PEX14: variants seen among roughly 807,000 people sequenced by gnomAD.
PEX14 encodes the protein peroxisomal biogenesis factor 14, also known as peroxisomal membrane protein PEX14.
PEX14 carries 15 observed loss-of-function variants against 49.5 expected under a neutral mutation model. The observed-to-expected ratio is 0.30, with a 90% confidence interval of 0.20 to 0.47. The LOEUF (loss-of-function observed/expected upper bound fraction) is 0.47. Ranked by LOEUF, PEX14 falls within the 20% of genes least tolerant of loss-of-function variation. The pLI, the probability that PEX14 is intolerant of heterozygous loss-of-function variation, is 1.00. For synonymous variants in PEX14, 210 were observed against 212.7 expected (o/e 0.99, Z 0.11); for missense variants, 398 against 494.8 (o/e 0.80, Z 1.86).
intron 1 of PEX14, among the ~76,000 whole-genome samples, chr1:10,486,466 G>A (rs990154821): frequency 4.0e-5 from 6 of 151,592 alleles, no homozygotes; most frequent in African/African-American, 1.5e-4. Flanking sequence ...GACTGCTTGA[G>A]GCCAGGAGTT....
At chr1:10,626,703 G>T (rs1641756936) in intron 7 of PEX14, among the ~76,000 whole-genome samples, 1 of 152,266 alleles carries the variant, frequency 6.6e-6, no homozygotes, top group Non-Finnish European at 1.5e-5. Context: ...CTCACACGGA[G>T]GCCTCGTGGC....
chr1:10,519,194 G>A (rs1008730652), intron 2 of PEX14, among the ~76,000 whole-genome samples: 5 of 152,030 alleles, frequency 3.3e-5, no homozygotes, highest in South Asian at 2.1e-4. Context: ...CAGCCCAGCC[G>A]TGACAAACTG....
intron 2 of PEX14, among the ~76,000 whole-genome samples, chr1:10,503,625 G>A (rs1641727313): frequency 6.6e-6 from 1 of 150,452 alleles, no homozygotes; most frequent in East Asian, 2.0e-4. Flanking sequence ...TATTCCATGC[G>A]GCAAACTCAG....
At chr1:10,557,543 G>A (rs1347378572) in intron 3 of PEX14, among the ~76,000 whole-genome samples, 3 of 152,202 alleles carry the variant, frequency 2.0e-5, no homozygotes, top group Non-Finnish European at 4.4e-5. Context: ...CTGAGATCGT[G>A]CCACTGCACT....
rs188899675 is a variant in PEX14 at position 10,495,492 on chromosome 1, C to T, written c.84+171C>T. 7.2e-5 allele frequency among the ~76,000 whole-genome samples: 11 copies of T among 152,220 alleles called. No homozygotes were observed. Among genetic ancestry groups the T allele is most frequent in the Middle Eastern group, 6.8e-3 (2 of 294 alleles). ...TGACTTCTCTTCTCGCGTGTGGGGA[C>T]GAGTGAGATCTCTCCTTAGTAAAGG... On this transcript the variant is annotated intron_variant, in intron 2 of 8. Coordinates refer to ENST00000356607, the MANE Select transcript of PEX14 (RefSeq NM_004565.3). The surrounding 1 kb of genome is among the most constrained non-coding windows in gnomAD (Gnocchi z 4.2).
intron 3 of PEX14, among the ~76,000 whole-genome samples, chr1:10,572,786 T>C (rs1403923821): frequency 6.6e-6 from 1 of 152,186 alleles, no homozygotes; most frequent in Non-Finnish European, 1.5e-5. Flanking sequence ...TCCGCTCTCC[T>C]CAGCCTCCCA....
chr1:10,549,538 C>G (rs1639277886), intron 3 of PEX14, among the ~76,000 whole-genome samples: 1 of 152,178 alleles, frequency 6.6e-6, no homozygotes, highest in Non-Finnish European at 1.5e-5. Flanking sequence ...TATTTACTTA[C>G]ATTTTTTTTT....
At chr1:10,525,809 A>G (rs547231739) in intron 2 of PEX14, among the ~76,000 whole-genome samples, 57 of 151,450 alleles carry the variant, frequency 3.8e-4, no homozygotes, top group Admixed American at 1.1e-3. Flanking sequence ...TATTTTTAGT[A>G]TAGATGGGGT....
At chr1:10,477,140 T>G (rs942152804) in intron 1 of PEX14, among the ~76,000 whole-genome samples, 9 of 151,724 alleles carry the variant, frequency 5.9e-5, no homozygotes, top group South Asian at 2.1e-4. Context: ...GCGCGATCTC[T>G]GCTCACTGCA....
chr1:10,530,247 AAAATTGAAAATAAAAG>A (rs1457250493), intron 2 of PEX14, among the ~76,000 whole-genome samples: 3 of 152,266 alleles, frequency 2.0e-5, no homozygotes, highest in Non-Finnish European at 2.9e-5. Context: ...GCAATTTTTA[AAAATTGAAAATAAAAG>A]AGGAAAATGA....
rs17035360 is a variant in PEX14, at chr1:10,581,685, T to A, written c.170-17553T>A. Among the ~76,000 whole-genome samples, 1,606 of 151,272 alleles carry A rather than the reference T, an allele frequency of 0.011. 88 individuals carry two copies. In the East Asian group the frequency reaches 0.13, roughly 12 times the overall value. Reference sequence around the variant, plus strand: ...ATAATTTAAAATAATTGGGATTTTTTAATTGAAATTGTGTTAAACTTATAA... The same window carrying A: ...ATAATTTAAAATAATTGGGATTTTTAAATTGAAATTGTGTTAAACTTATAA... On this transcript the variant is annotated intron_variant, in intron 3 of 8. Coordinates refer to ENST00000356607, the MANE Select transcript of PEX14 (RefSeq NM_004565.3).
At chr1:10,491,219 A>G (rs1046290426) in intron 1 of PEX14, among the ~76,000 whole-genome samples, 2 of 151,940 alleles carry the variant, frequency 1.3e-5, no homozygotes, top group African/African-American at 4.8e-5. Flanking sequence ...AAAAATGTTC[A>G]CAGGGTAGGC....
intron 2 of PEX14, among the ~76,000 whole-genome samples, chr1:10,508,270 G>C (rs970644984): frequency 3.3e-5 from 5 of 151,934 alleles, no homozygotes; most frequent in African/African-American, 1.2e-4. Context: ...ACAGTGGTGC[G>C]ATCTCGGCTG....
In PEX14 at chr1:10,624,383, G is replaced by C. The variant is rs1641685652; in HGVS notation, c.531G>C (p.Leu177=). ...QTTLASVQEL[L]IQQQQKIQEL... The stretch of plus-strand genomic sequence containing the variant: ...CCCTCGCCTCCGTCCAGGAGCTGCT[G>C]ATTCAGCAGCAGCAGAAGATCCAGG... Residue 177 remains leucine (L), a synonymous_variant, in exon 7 of 9, where the codon CTG becomes CTC. Coordinates refer to ENST00000356607, the MANE Select transcript of PEX14 (RefSeq NM_004565.3). The C allele has an allele frequency of 1.2e-6, 2 of 1,613,452 alleles. No individual in the cohort carries two copies. Among genetic ancestry groups the C allele is most frequent in the Admixed American group, 3.3e-5 (2 of 60,018 alleles).
intron 3 of PEX14, among the ~76,000 whole-genome samples, chr1:10,576,791 C>T (rs532461793): frequency 5.6e-4 from 83 of 147,040 alleles, no homozygotes; most frequent in African/African-American, 1.9e-3. Flanking sequence ...GAATTTTGCT[C>T]GTATCGCCCA....
chr1:10,540,254 C>T (rs1385809873), intron 3 of PEX14, among the ~76,000 whole-genome samples: 1 of 152,214 alleles, frequency 6.6e-6, no homozygotes, highest in East Asian at 1.9e-4. Context: ...AAGGGCTTCT[C>T]TGTAGAATAT....
chr1:10,598,390 C>G (rs1570327979), intron 3 of PEX14, among the ~76,000 whole-genome samples: 1 of 152,216 alleles, frequency 6.6e-6, no homozygotes, highest in African/African-American at 2.4e-5. Flanking sequence ...TTGGCTCAGA[C>G]CCGGTGGAAA....
chr1:10,550,463 A>G (rs1053423049), intron 3 of PEX14, among the ~76,000 whole-genome samples: 2 of 152,232 alleles, frequency 1.3e-5, no homozygotes, highest in African/African-American at 2.4e-5. Flanking sequence ...GCCAAGTGCT[A>G]TGCTAAGTGC....
At chr1:10,503,315 GA>G (rs1160900146) in intron 2 of PEX14, among the ~76,000 whole-genome samples, 1 of 123,956 alleles carries the variant, frequency 8.1e-6, no homozygotes, top group African/African-American at 3.1e-5. Context: ...AAGAAAGAAA[GA>G]AAAGAAAAGA....
Sources: gnomAD v4.1 joint callset for allele counts (sites outside exome capture counted in the v4.1 genomes callset) on GRCh38, gnomAD v4.1.1 for gene constraint, Gnocchi (gnomAD v3.1) non-coding constraint, MANE v1.5 for transcripts, NCBI Gene and HGNC (gene_info 2026-07-23, HGNC 2026-07-21) for gene names.